Variants in KIF1A observed in about 807,000 individuals in gnomAD.
KIF1A encodes the protein kinesin-like protein KIF1A.
KIF1A carries 46 observed loss-of-function variants against 227.3 expected under a neutral mutation model. The ratio of observed to expected loss-of-function variants is 0.20; its 90% CI spans 0.16 to 0.26. KIF1A has a LOEUF of 0.26. Among genes scored for constraint, KIF1A ranks in the 10% least tolerant of loss-of-function variants. KIF1A has a pLI of 1.00. For missense variants in KIF1A, 1,683 were observed against 2,485.9 expected, an observed-to-expected ratio of 0.68 and a Z score of 6.87; for synonymous variants, 1,022 against 1,012.8, an observed-to-expected ratio of 1.01 and a Z score of -0.17.
chr2:240,748,986 T>A (rs552052814), intron 28 of KIF1A, among the ~76,000 whole-genome samples: 1 of 152,074 alleles, frequency 6.6e-6, no homozygotes, highest in Non-Finnish European at 1.5e-5. Context: ...CTGGGCGTGA[T>A]GACGCACCCC....
At chr2:240,730,581 T>C (rs2046487674) in intron 38 of KIF1A, among the ~76,000 whole-genome samples, 1 of 152,188 alleles carries the variant, frequency 6.6e-6, no homozygotes, top group Non-Finnish European at 1.5e-5. Flanking sequence ...GGAGGCGATC[T>C]AACAGGCTGA....
Position 240,747,218 on chromosome 2 carries a change from C to A in KIF1A, c.3063+18G>T. On this transcript the variant is annotated intron_variant, in intron 29 of 48. Transcript: ENST00000498729. ...GCCAGGCACCTCCAGGTCTGGGACT[C>A]GGGAGGGAGCTTGGTACCTTTTCAA... 1.9e-6 allele frequency: 3 copies of A among 1,605,584 alleles called. No individual in the cohort carries two copies. Among genetic ancestry groups the A allele is most frequent in the South Asian group, 2.2e-5 (2 of 90,602 alleles).
At chr2:240,777,849 C>T (rs535457043) in intron 10 of KIF1A, among the ~76,000 whole-genome samples, 9 of 152,344 alleles carry the variant, frequency 5.9e-5, no homozygotes, top group Admixed American at 1.3e-4. Context: ...CCCTCTCGCG[C>T]GGCTCCTTCA....
intron 38 of KIF1A, among the ~76,000 whole-genome samples, chr2:240,729,460 A>T (rs1275254508): frequency 1.3e-5 from 2 of 152,124 alleles, no homozygotes; most frequent in Non-Finnish European, 2.9e-5. Flanking sequence ...CTCCTCATTC[A>T]TCAGGAACCA....
chr2:240,760,459 T>C (rs1026397767), intron 25 of KIF1A, among the ~76,000 whole-genome samples: 3 of 152,256 alleles, frequency 2.0e-5, no homozygotes, highest in Admixed American at 1.3e-4. Context: ...TTATGTATGA[T>C]TGCTGCATTG....
At chr2:240,796,619 G>T (rs1430946369) in intron 2 of KIF1A, among the ~76,000 whole-genome samples, 1 of 152,194 alleles carries the variant, frequency 6.6e-6, no homozygotes, top group Non-Finnish European at 1.5e-5. Flanking sequence ...CAACCCTGAA[G>T]TACACTGGGG....
rs1255728745 is a variant in KIF1A, at chr2:240,763,315, C to G, written c.1800G>C (p.Val600=). The G allele has an allele frequency of 6.3e-7, 1 of 1,594,936 alleles. No individual in the cohort carries two copies. The change falls in exon 21 of 49, where the codon GTG becomes GTC. Residue 600 remains valine (V), a synonymous_variant. Coordinates refer to ENST00000498729, the MANE Select transcript of KIF1A (RefSeq NM_001244008.2). The part of the protein sequence containing the change: ...GNRIIMGKSH[V]FRFNHPEQAR... The stretch of plus-strand genomic sequence containing the variant: ...CCTGCTCGGGGTGGTTGAACCGGAA[C>G]ACATGGCTCTTACCCATGATGATGC...
rs1553632128 is a variant in KIF1A at position 240,754,352 on chromosome 2, G to GTGCGCTCC, written c.2858+2966_2858+2967insGGAGCGCA. Among the ~76,000 whole-genome samples, 7 of 151,642 alleles carry GTGCGCTCC rather than the reference G, an allele frequency of 4.6e-5. No homozygotes were observed. The East Asian group carries it at 9.8e-4, about 21-fold the overall frequency. The stretch of plus-strand genomic sequence containing the variant: ...GATCTGGCTGTGGCTCTAGTGCTGG[G>GTGCGCTCC]TGCTCTCCTCTCCCCACTGCCCGTC... On this transcript the variant is annotated intron_variant, in intron 27 of 48. Transcript: ENST00000498729.
Position 240,740,391 on chromosome 2 carries a change from G to C in KIF1A, c.3750-27C>G, listed in dbSNP as rs768109947. ...TGGAAGAGAGAGACACATGTGAGGA[G>C]CGGCCAGCCCCTCCTCTCTGCCCTC... On this transcript the variant is annotated intron_variant, in intron 35 of 48. Transcript: ENST00000498729. This position sits in a 1 kb window ranked among gnomAD's most constrained non-coding sequence, Gnocchi z 6.1. 6.2e-7 allele frequency: 1 copy of C among 1,602,828 alleles called. No homozygotes were observed. The highest frequency in any genetic ancestry group is 1.1e-5 in the South Asian group (1 of 90,800).
rs368124753 is a variant in KIF1A at position 240,720,936 on chromosome 2, G to A, written c.4846C>T (p.Arg1616Trp). Reference sequence around the variant, plus strand: ...CACCTCAGGTCAGTGGCACCGTACCGCCCTTCAACCAGAGAGGGGCAAGTG... The same window carrying A: ...CACCTCAGGTCAGTGGCACCGTACCACCCTTCAACCAGAGAGGGGCAAGTG... The part of the protein sequence containing the change: ...SSTCPSLVEG[R>W]YGATDLRTPQ... Residue 1616 changes from arginine to tryptophan, a missense_variant, in exon 45 of 49, where the codon CGG becomes TGG. Arg to Trp is a moderately radical substitution (Grantham distance 101). Transcript: ENST00000498729. The A allele has an allele frequency of 7.0e-5, 111 of 1,586,222 alleles. No individual in the cohort carries two copies. Among genetic ancestry groups the A allele is most frequent in the Middle Eastern group, 1.7e-4 (1 of 6,014 alleles).
intron 1 of KIF1A, among the ~76,000 whole-genome samples, chr2:240,804,249 G>C (rs1480107426): frequency 2.0e-5 from 3 of 152,220 alleles, no homozygotes; most frequent in Non-Finnish European, 4.4e-5. Context: ...CTGGGTGACA[G>C]AGCGAGACTC....
At chr2:240,779,885 T>C (rs73102662) in intron 10 of KIF1A, among the ~76,000 whole-genome samples, 12,025 of 152,148 alleles carry the variant, frequency 0.079, 1,531 homozygotes, top group African/African-American at 0.27. Context: ...ACGCAGGCTG[T>C]CCCATGTTTC....
chr2:240,785,877 C>T (rs2054676859), intron 6 of KIF1A, among the ~76,000 whole-genome samples: 1 of 152,148 alleles, frequency 6.6e-6, no homozygotes, highest in African/African-American at 2.4e-5. Context: ...GTTGCCATGA[C>T]AACCAGGGCA....
In KIF1A at chr2:240,757,897, G is replaced by A. The variant is rs990974553; in HGVS notation, c.2583-303C>T. Among the ~76,000 whole-genome samples the A allele has an allele frequency of 6.6e-6, 1 of 152,210 alleles. No individual in the cohort carries two copies. The highest frequency in any genetic ancestry group is 2.4e-5 in the African/African-American group (1 of 41,450). ...ATGAGGACCTCGAGAGTTTGGCCACGTTGAGGCCTCAGAATACCACGGTCC... is the reference window on the plus strand; with the variant it reads ...ATGAGGACCTCGAGAGTTTGGCCACATTGAGGCCTCAGAATACCACGGTCC... On this transcript the variant is annotated intron_variant, in intron 26 of 48. Transcript: ENST00000498729. This position sits in a 1 kb window ranked among gnomAD's most constrained non-coding sequence, Gnocchi z 6.2.
rs2055499966 is a variant in KIF1A at position 240,790,301 on chromosome 2, G to T, written c.107-989C>A. Reference sequence around the variant, plus strand: ...AACACTGGCCATTCCTGGTCAGGGAGCCCCCGGAGACCACCACCATCACAT... The same window carrying T: ...AACACTGGCCATTCCTGGTCAGGGATCCCCCGGAGACCACCACCATCACAT... On this transcript the variant is annotated intron_variant, in intron 2 of 48. Transcript: ENST00000498729. This position sits in a 1 kb window ranked among gnomAD's most constrained non-coding sequence, Gnocchi z 5.0. Among the ~76,000 whole-genome samples the T allele has an allele frequency of 6.6e-6, 1 of 152,092 alleles. No homozygotes were observed. Among genetic ancestry groups the T allele is most frequent in the Non-Finnish European group, 1.5e-5 (1 of 68,020 alleles).
chr2:240,753,576 C>T (rs962306859), intron 27 of KIF1A, among the ~76,000 whole-genome samples: 1 of 152,188 alleles, frequency 6.6e-6, no homozygotes, highest in African/African-American at 2.4e-5. Flanking sequence ...TGGCAGAAAT[C>T]ACAGCAGCCG....
Position 240,763,002 on chromosome 2 carries a change from G to A in KIF1A, c.2022+17C>T, listed in dbSNP as rs762883207. 1.3e-5 allele frequency: 19 copies of A among 1,475,256 alleles called. No individual in the cohort carries two copies. Among genetic ancestry groups the A allele is most frequent in the East Asian group, 7.3e-5 (3 of 41,286 alleles). The allele number at this position is 1,475,256 out of a possible 1,614,324, so 91.4% of individuals were successfully genotyped here. The stretch of plus-strand genomic sequence containing the variant: ...TGGGTGGGGGCTGGGCAGGGAGGGC[G>A]GGGCCACGTCACTCACCAGCCGCTG... On this transcript the variant is annotated intron_variant, in intron 22 of 48. Coordinates refer to ENST00000498729, the MANE Select transcript of KIF1A (RefSeq NM_001244008.2).
chr2:240,724,113 T>A lies in KIF1A; in HGVS notation c.4257-77A>T, dbSNP rs561168063. On this transcript the variant is annotated intron_variant, in intron 40 of 48. Transcript: ENST00000498729. Reference sequence around the variant, plus strand: ...CACACAGCCAGCCTGGCTGCTGACTTGCCCCACTATCAAACGCACAGTCAG... The same window carrying A: ...CACACAGCCAGCCTGGCTGCTGACTAGCCCCACTATCAAACGCACAGTCAG... 36 of 1,284,392 alleles carry A rather than the reference T, an allele frequency of 2.8e-5. No individual in the cohort carries two copies. In the Admixed American group the frequency reaches 5.7e-4, roughly 20 times the overall value. 79.6% of individuals were successfully genotyped at this position (1,284,392 alleles called of 1,614,324 possible).
At position 240,763,043 on chromosome 2, in the gene KIF1A, G is replaced by A. The variant is rs756890494; in HGVS notation, c.1998C>T (p.Thr666=). ...DQYRREREEA[T]YLLEQQRLDY... ...CCAGCCGCTGCTGCTCCAGCAGGTAGGTGGCCTCCTCCCGCTCGCGGCGGT... is the reference window on the plus strand; with the variant it reads ...CCAGCCGCTGCTGCTCCAGCAGGTAAGTGGCCTCCTCCCGCTCGCGGCGGT... The change falls in exon 22 of 49, where the codon ACC becomes ACT. Residue 666 remains threonine (T), a synonymous_variant. Transcript: ENST00000498729. The A allele has an allele frequency of 6.5e-7, 1 of 1,530,472 alleles. No individual in the cohort carries two copies. The allele number at this position is 1,530,472 out of a possible 1,614,324, so 94.8% of individuals were successfully genotyped here.
Sources: gnomAD v4.1 joint callset for allele counts (sites outside exome capture counted in the v4.1 genomes callset) on GRCh38, gnomAD v4.1.1 for gene constraint, Gnocchi (gnomAD v3.1) non-coding constraint, MANE v1.5 for transcripts, NCBI Gene and HGNC (gene_info 2026-07-23, HGNC 2026-07-21) for gene names.